CATSPERE: variants seen among roughly 807,000 people sequenced by gnomAD.
CATSPERE encodes the protein cation channel sperm-associated auxiliary subunit epsilon.
In CATSPERE, 93 loss-of-function variants were observed where a neutral mutation model predicts 114.1. That is an observed-to-expected ratio of 0.81 (90% confidence interval 0.69 to 0.97). CATSPERE has a LOEUF of 0.97. Among genes scored for constraint, CATSPERE ranks in the 50% least tolerant of loss-of-function variants. The pLI, the probability that CATSPERE is intolerant of heterozygous loss-of-function variation, is 0.00. For missense variants in CATSPERE, 1,058 were observed against 1,131.6 expected (o/e 0.93, Z 0.93); for synonymous variants, 341 against 384.1 (o/e 0.89, Z 1.31).
chr1:244,564,971 T>C (rs1383534238), intron 10 of CATSPERE, among the ~76,000 whole-genome samples: 4 of 152,190 alleles, frequency 2.6e-5, no homozygotes, highest in African/African-American at 9.6e-5. Flanking sequence ...GTGTTGAATT[T>C]TATTGAAGGC....
At chr1:244,619,140 G>T (rs1311485127) in intron 20 of CATSPERE, among the ~76,000 whole-genome samples, 1 of 152,162 alleles carries the variant, frequency 6.6e-6, no homozygotes, top group Non-Finnish European at 1.5e-5. Flanking sequence ...TCTAATCTGG[G>T]CCTGGAGTGG....
chr1:244,624,609 T>A (rs1573070327), intron 20 of CATSPERE, among the ~76,000 whole-genome samples: 1 of 152,016 alleles, frequency 6.6e-6, no homozygotes, highest in Non-Finnish European at 1.5e-5. Context: ...GAGACCAGCC[T>A]GGCCAACATG....
intron 2 of CATSPERE, among the ~76,000 whole-genome samples, chr1:244,470,500 AAGAC>A (rs1668303873): frequency 6.6e-6 from 1 of 152,228 alleles, no homozygotes; most frequent in African/African-American, 2.4e-5. Flanking sequence ...TATAATCAAA[AAGAC>A]AGATAATAAC....
chr1:244,569,111 G>C (rs1325604541), intron 10 of CATSPERE, among the ~76,000 whole-genome samples: 1 of 149,476 alleles, frequency 6.7e-6, no homozygotes, highest in Non-Finnish European at 1.5e-5. Flanking sequence ...GGCTAGGGGA[G>C]GGATACCATG....
At chr1:244,494,081 A>G (rs956713449) in intron 6 of CATSPERE, among the ~76,000 whole-genome samples, 4 of 152,144 alleles carry the variant, frequency 2.6e-5, no homozygotes, top group Non-Finnish European at 4.4e-5. Context: ...ATACCATTTG[A>G]CCCAGCCATC....
rs568017882 is a variant in CATSPERE at position 244,601,954 on chromosome 1, GGAAGGAGAGAGAA to G, written c.2304-3739_2304-3727del. On this transcript the variant is annotated intron_variant, in intron 17 of 21. Transcript: ENST00000366534. ...GGGCAACAGAGCGAAACGGAAGGAAGGAAGGAGAGAGAAGGAGGAGAAGGGGAGAAAGGGAAGG... is the reference window on the plus strand; with the variant it reads ...GGGCAACAGAGCGAAACGGAAGGAAGGGAGGAGAAGGGGAGAAAGGGAAGG... Among the ~76,000 whole-genome samples, 218 of 151,894 alleles carry G rather than the reference GGAAGGAGAGAGAA, an allele frequency of 1.4e-3. 1 individual carries two copies. Among genetic ancestry groups the G allele is most frequent in the Non-Finnish European group, 2.4e-3 (163 of 67,946 alleles).
In CATSPERE at chr1:244,591,455, G is replaced by C. The variant is rs543387026; in HGVS notation, c.2139-226G>C. 4.6e-5 allele frequency among the ~76,000 whole-genome samples: 7 copies of C among 152,248 alleles called. 1 individual carries two copies. The South Asian group carries it at 1.5e-3, about 32-fold the overall frequency. ...TTTAATAAGCATGTATCAAATATAA[G>C]AGATAAATCAGTAGATTTCAAATTC... is the stretch of plus-strand genomic sequence containing the variant. On this transcript the variant is annotated intron_variant, in intron 14 of 21. Transcript: ENST00000366534.
intron 17 of CATSPERE, among the ~76,000 whole-genome samples, chr1:244,595,922 G>A (rs1370225406): frequency 6.6e-6 from 1 of 151,936 alleles, no homozygotes; most frequent in Non-Finnish European, 1.5e-5. Flanking sequence ...GACAGAGCGA[G>A]ACTCCGTCTC....
chr1:244,546,328 C>G (rs575507202), intron 8 of CATSPERE, among the ~76,000 whole-genome samples: 1 of 152,296 alleles, frequency 6.6e-6, no homozygotes, highest in Admixed American at 6.5e-5. Context: ...AATCTCTGGA[C>G]AGGCTTACTG....
At chr1:244,465,718 T>C (rs1667494793) in intron 2 of CATSPERE, among the ~76,000 whole-genome samples, 1 of 152,254 alleles carries the variant, frequency 6.6e-6, no homozygotes, top group African/African-American at 2.4e-5. Flanking sequence ...TGCGTTTTTA[T>C]ATAAATTTTA....
chr1:244,560,809 A>G lies in CATSPERE; in HGVS notation c.1171A>G (p.Ile391Val). The change falls in exon 10 of 22, where the codon ATA (isoleucine) becomes GTA (valine). Residue 391 changes from isoleucine (I) to valine (V), a missense_variant. Physicochemically the swap from Ile to Val is conservative, Grantham distance 29 (BLOSUM62 3). Transcript: ENST00000366534. ...LSLSVTATLT[I>V]DRVEYTGHPL... Reference sequence around the variant, plus strand: ...TCTATCGGTGACTGCTACTCTGACCATAGACAGGGTTGAGTATACAGGACA... The same window carrying G: ...TCTATCGGTGACTGCTACTCTGACCGTAGACAGGGTTGAGTATACAGGACA... 7.4e-6 allele frequency: 12 copies of G among 1,614,100 alleles called. No homozygotes were observed. Among genetic ancestry groups the G allele is most frequent in the Non-Finnish European group, 1.0e-5 (12 of 1,179,992 alleles).
chr1:244,457,196 T>C (rs1666237975), upstream of CATSPERE, among the ~76,000 whole-genome samples: 1 of 152,228 alleles, frequency 6.6e-6, no homozygotes, highest in Admixed American at 6.5e-5. Context: ...CGTACTGATG[T>C]GGGGCCAGAA....
At chr1:244,513,801 T>C (rs560006764) in intron 7 of CATSPERE, among the ~76,000 whole-genome samples, 45 of 152,210 alleles carry the variant, frequency 3.0e-4, no homozygotes, top group African/African-American at 1.1e-3. Context: ...AGATAAAAAA[T>C]GCATGCAGGC....
At chr1:244,627,238 G>A (rs1673319639) in intron 20 of CATSPERE, among the ~76,000 whole-genome samples, 1 of 152,054 alleles carries the variant, frequency 6.6e-6, no homozygotes. Flanking sequence ...GCAGTTCATG[G>A]TGCACCAGGA....
At chr1:244,611,384 G>A (rs1410498557) in intron 19 of CATSPERE, among the ~76,000 whole-genome samples, 1 of 151,774 alleles carries the variant, frequency 6.6e-6, no homozygotes, top group Non-Finnish European at 1.5e-5. Flanking sequence ...GAGCCCAGGA[G>A]TTCAAGACCA....
rs1485411323 is a variant in CATSPERE at position 244,504,568 on chromosome 1, A to G, written c.429+5489A>G. 6.6e-6 allele frequency among the ~76,000 whole-genome samples: 1 copy of G among 152,204 alleles called. No homozygotes were observed. The highest frequency in any genetic ancestry group is 2.4e-5 in the African/African-American group (1 of 41,452). ...GTTGTCTTGTCTCTTTACGTTCTTA[A>G]TTGTGACAGTTTCTAGACTTTCATG... On this transcript the variant is annotated intron_variant, in intron 7 of 21. Transcript: ENST00000366534. This position sits in a 1 kb window ranked among gnomAD's most constrained non-coding sequence, Gnocchi z 4.1.
chr1:244,532,182 C>T (rs3005949), intron 8 of CATSPERE, among the ~76,000 whole-genome samples: 19,476 of 151,674 alleles, frequency 0.13, 2,148 homozygotes, highest in African/African-American at 0.3. Flanking sequence ...CTTTTTCATC[C>T]CCAATTTTAT....
At chr1:244,619,348 C>G (rs1477061622) in intron 20 of CATSPERE, among the ~76,000 whole-genome samples, 1 of 151,972 alleles carries the variant, frequency 6.6e-6, no homozygotes, top group South Asian at 2.1e-4. Context: ...AAAATGAAGA[C>G]AAAAACAGAA....
At chr1:244,464,949 G>A (rs1667374114) in intron 2 of CATSPERE, among the ~76,000 whole-genome samples, 1 of 131,566 alleles carries the variant, frequency 7.6e-6, no homozygotes, top group South Asian at 2.3e-4. Flanking sequence ...CTTTGTTCAT[G>A]GATACTTTAC....
Sources: allele counts gnomAD v4.1 joint callset (sites outside exome capture counted in the v4.1 genomes callset), GRCh38; gene constraint gnomAD v4.1.1; non-coding constraint Gnocchi (gnomAD v3.1); transcripts MANE v1.5; gene names NCBI Gene and HGNC (gene_info 2026-07-23, HGNC 2026-07-21).